MDH1B: variants seen among roughly 807,000 people sequenced by gnomAD.
MDH1B encodes putative malate dehydrogenase 1B.
In MDH1B, 60 loss-of-function variants were observed where a neutral mutation model predicts 61.4. The ratio of observed to expected loss-of-function variants is 0.98; its 90% CI spans 0.79 to 1.21. The LOEUF is 1.21. MDH1B is among the 50% of genes most tolerant of loss of function. The probability of loss-of-function intolerance (pLI) is 0.00; values close to 1 mark genes in which losing one functional copy is unlikely to be tolerated. For synonymous variants in MDH1B, 236 were observed against 218.7 expected (o/e 1.08, Z -0.70); for missense variants, 587 against 632.1 (o/e 0.93, Z 0.76).
intron 7 of MDH1B, among the ~76,000 whole-genome samples, chr2:206,747,619 C>T (rs1688190314): frequency 6.6e-6 from 1 of 152,122 alleles, no homozygotes; most frequent in African/African-American, 2.4e-5. Context: ...AGCCTTTGCC[C>T]TCAGGGTGCC....
At chr2:206,757,773 T>G (rs1195926504) in intron 2 of MDH1B, among the ~76,000 whole-genome samples, 1 of 152,236 alleles carries the variant, frequency 6.6e-6, no homozygotes, top group Non-Finnish European at 1.5e-5. Flanking sequence ...CTTGATACTT[T>G]TTTTAAAATC....
rs765396677 is a variant in MDH1B, at chr2:206,741,098, T to C, written c.1415A>G (p.Lys472Arg). 6.2e-7 allele frequency: 1 copy of C among 1,612,742 alleles called. No homozygotes were observed. The highest frequency in any genetic ancestry group is 8.5e-7 in the Non-Finnish European group (1 of 1,179,168). Residue 472 changes from lysine to arginine, a missense_variant, in exon 10 of 12, where the codon AAA becomes AGA. By Grantham distance (26) the Lys-to-Arg change is conservative. Coordinates refer to ENST00000374412, the MANE Select transcript of MDH1B (RefSeq NM_001039845.3). ...TTTTTCTTCATCAGGGACCAGATCT[T>C]TATGTCCTGAAATCAAAATTAAATA... ...IHFQPYQSGH[K>R]DLVPDEEKNL...
chr2:206,756,989 C>T lies in MDH1B; in HGVS notation c.322G>A (p.Ala108Thr), dbSNP rs770263229. 1 of 1,613,988 alleles carries T rather than the reference C, an allele frequency of 6.2e-7. No homozygotes were observed. The highest frequency in any genetic ancestry group is 1.1e-5 in the South Asian group (1 of 91,064). Reference protein sequence around the residue: ...SMTTELMMVIAQENLGAHIEK... With the variant: ...SMTTELMMVITQENLGAHIEK... ...ATATGTGCCCCCAGGTTCTCTTGAG[C>T]AATTACCATCATCAGTTCAGTCGTC... Residue 108 changes from alanine to threonine, a missense_variant, in exon 4 of 12, where the codon GCT becomes ACT. Ala to Thr is a moderately conservative substitution (Grantham distance 58). Transcript: ENST00000374412.
At position 206,755,356 on chromosome 2, in the gene MDH1B, G is replaced by A. The variant is rs767946514; in HGVS notation, c.563C>T (p.Ala188Val). 3.1e-6 allele frequency: 5 copies of A among 1,614,230 alleles called. 1 individual carries two copies. In the South Asian group the frequency reaches 5.5e-5, roughly 18 times the overall value. ...GGAGACACTGCGCAGGACGGGAGAT[G>A]CCAGGTCTTGGGTCTCCACCACAAG... ...KSLVVETQDL[A>V]SPVLRSVSIC... The change falls in exon 5 of 12, where the codon GCA (alanine) becomes GTA (valine). Residue 188 changes from alanine (A) to valine (V), a missense_variant. Transcript: ENST00000374412.
Position 206,758,957 on chromosome 2 carries a change from CTGTT to C in MDH1B, c.136-1590_136-1587del, listed in dbSNP as rs199543979. Reference sequence around the variant, plus strand: ...TGTGGCTGTCCGTTCTAGGCCAAGGCTGTTTGTTTTTTTTTTTTTTCTTTATTTA... The same window carrying C: ...TGTGGCTGTCCGTTCTAGGCCAAGGCTGTTTTTTTTTTTTTTCTTTATTTA... On this transcript the variant is annotated intron_variant, in intron 2 of 11. Transcript: ENST00000374412. Among the ~76,000 whole-genome samples, 245 of 143,936 alleles carry C rather than the reference CTGTT, an allele frequency of 1.7e-3. 2 individuals carry two copies. Among genetic ancestry groups the C allele is most frequent in the African/African-American group, 5.9e-3 (214 of 36,184 alleles). The allele number at this position is 143,936 out of a possible 152,430, so 94.4% of individuals were successfully genotyped here. A position where few individuals can be genotyped will look rare whatever the true frequency, so the allele number is the denominator to read the frequency against.
At chr2:206,740,994 G>A (rs1687775498) in intron 10 of MDH1B, 60 bp downstream of exon 10, 3 of 1,605,704 alleles carry the variant, frequency 1.9e-6, no homozygotes, top group African/African-American at 2.7e-5. Context: ...TCTAACAACT[G>A]GACAATATGA....
intron 8 of MDH1B, 42 bp downstream of exon 8, chr2:206,746,245 T>G: frequency 6.4e-7 from 1 of 1,571,860 alleles, no homozygotes; most frequent in Non-Finnish European, 8.6e-7. Flanking sequence ...CAGTTTAAGG[T>G]CATTATCAAG....
chr2:206,747,265 G>A (rs1688169836), intron 7 of MDH1B, among the ~76,000 whole-genome samples: 1 of 152,160 alleles, frequency 6.6e-6, no homozygotes, highest in African/African-American at 2.4e-5. Context: ...AAGTAATGCT[G>A]TATTTTGTTT....
At chr2:206,746,260 G>T in intron 8 of MDH1B, 27 bp downstream of exon 8, 1 of 1,600,174 alleles carries the variant, frequency 6.2e-7, no homozygotes, top group Non-Finnish European at 8.5e-7. Flanking sequence ...ATCAAGGTCA[G>T]TCCCCTTGCA....
At chr2:206,759,456 T>G (rs1377776495) in intron 2 of MDH1B, among the ~76,000 whole-genome samples, 1 of 152,244 alleles carries the variant, frequency 6.6e-6, no homozygotes, top group East Asian at 1.9e-4. Context: ...TGTGTGCATG[T>G]GTCTTTATAA....
chr2:206,753,773 C>T (rs910270728), intron 5 of MDH1B, among the ~76,000 whole-genome samples: 1 of 152,152 alleles, frequency 6.6e-6, no homozygotes, highest in Non-Finnish European at 1.5e-5. Flanking sequence ...TTCTGCTTCT[C>T]ACATGCTTAT....
Position 206,738,323 on chromosome 2 carries a change from A to T in MDH1B, c.*160T>A, listed in dbSNP as rs1687602762. 4.3e-6 allele frequency: 2 copies of T among 468,358 alleles called. No homozygotes were observed. Among genetic ancestry groups the T allele is most frequent in the Non-Finnish European group, 7.5e-6 (2 of 265,908 alleles). The allele number at this position is 468,358 out of a possible 1,614,324, so 29.0% of individuals were successfully genotyped here. A position where few individuals can be genotyped will look rare whatever the true frequency, so the allele number is the denominator to read the frequency against. On this transcript the variant is annotated 3_prime_UTR_variant, in exon 12 of 12. Coordinates refer to ENST00000374412, the MANE Select transcript of MDH1B (RefSeq NM_001039845.3). ...AGTAATGCAAAATGACGGAACTCTG[A>T]CCTCTGTGCTGTCACAGTGATTTAA...
At chr2:206,739,750 C>A in intron 10 of MDH1B, 89 bp from the exon 11 acceptor site, 3 of 1,173,128 alleles carry the variant, frequency 2.6e-6, no homozygotes, top group South Asian at 2.6e-5. Flanking sequence ...TTGTTCCTTC[C>A]ACTCTGAGGT....
At chr2:206,761,087 G>T in intron 1 of MDH1B, 74 bp from the exon 2 acceptor site, 1 of 784,510 alleles carries the variant, frequency 1.3e-6, no homozygotes. Context: ...TATTTGCTAT[G>T]TAATTACAGA....
chr2:206,761,250 C>G (rs112328851), intron 1 of MDH1B, among the ~76,000 whole-genome samples: 1 of 151,772 alleles, frequency 6.6e-6, no homozygotes, highest in Admixed American at 6.6e-5. Context: ...GAAAAAAAAC[C>G]CTACTGAATA....
chr2:206,739,611 T>C lies in MDH1B; in HGVS notation c.1510A>G (p.Ser504Gly), dbSNP rs1250121062. 1.2e-6 allele frequency: 2 copies of C among 1,614,042 alleles called. No individual in the cohort carries two copies. The highest frequency in any genetic ancestry group is 2.2e-5 in the South Asian group (2 of 91,078). ...CACCTACCATTTAGGAACTCAAGAC[T>C]CTGTGGCTTTTCAAAGGTGGTTTGA... ...IPQTTFEKPQ[S>G]LEFLNEFEGK... Residue 504 changes from serine to glycine, a missense_variant, in exon 11 of 12, where the codon AGT becomes GGT. Coordinates refer to ENST00000374412, the MANE Select transcript of MDH1B (RefSeq NM_001039845.3).
intron 9 of MDH1B, among the ~76,000 whole-genome samples, chr2:206,742,391 C>A (rs1398170123): frequency 6.6e-6 from 1 of 152,290 alleles, no homozygotes; most frequent in South Asian, 2.1e-4. Flanking sequence ...TTTGTAAACT[C>A]TGATGAACCT....
intron 1 of MDH1B, among the ~76,000 whole-genome samples, chr2:206,761,551 C>A (rs1689092476): frequency 6.6e-6 from 1 of 152,058 alleles, no homozygotes; most frequent in Non-Finnish European, 1.5e-5. Context: ...TAGTCAAGTG[C>A]AGTTGGAGAT....
chr2:206,738,574 T>C, intron 11 of MDH1B, 63 bp from the exon 12 acceptor site: 2 of 1,226,710 alleles, frequency 1.6e-6, no homozygotes, highest in Non-Finnish European at 2.3e-6. Context: ...GCATATGTTA[T>C]TATTAGCTTT....
Sources: allele counts gnomAD v4.1 joint callset (sites outside exome capture counted in the v4.1 genomes callset), GRCh38; gene constraint gnomAD v4.1.1; transcripts MANE v1.5; gene names NCBI Gene and HGNC (gene_info 2026-07-23, HGNC 2026-07-21).